The following CACNA1C variants were observed in gnomAD, a reference collection of about 807,000 sequenced individuals.
CACNA1C encodes voltage-dependent L-type calcium channel subunit alpha-1C.
A neutral mutation model predicts 229.0 loss-of-function variants in CACNA1C; 30 were observed. The ratio of observed to expected loss-of-function variants is 0.13; its 90% confidence interval spans 0.10 to 0.18. The LOEUF is 0.18. Among genes scored for constraint, CACNA1C ranks in the 10% least tolerant of loss-of-function variants. The pLI is 1.00. For missense variants in CACNA1C, 1,658 were observed against 2,845.0 expected (o/e 0.58, Z 9.49); for synonymous variants, 1,114 against 1,132.5 (o/e 0.98, Z 0.33).
chr12:2,580,126 G>A (rs757049081), intron 13 of CACNA1C, among the ~76,000 whole-genome samples: 15 of 152,162 alleles, frequency 9.9e-5, no homozygotes, highest in South Asian at 8.3e-4. Flanking sequence ...ATCTTCTGCC[G>A]TCTAAAATTT....
At chr12:2,615,801 G>T (rs184350636) in intron 29 of CACNA1C, among the ~76,000 whole-genome samples, 11 of 152,334 alleles carry the variant, frequency 7.2e-5, no homozygotes, top group Admixed American at 7.2e-4. Flanking sequence ...TTGCTGTCGA[G>T]GATGTCTCAG....
intron 3 of CACNA1C, among the ~76,000 whole-genome samples, chr12:2,186,346 T>C (rs77345226): frequency 0.022 from 3,387 of 152,118 alleles, 135 homozygotes; most frequent in African/African-American, 0.076. Context: ...AGTGACTAGG[T>C]CCATTGTGGG....
At chr12:2,459,158 T>C (rs540974092) in intron 5 of CACNA1C, among the ~76,000 whole-genome samples, 1 of 116,876 alleles carries the variant, frequency 8.6e-6, no homozygotes, top group South Asian at 3.0e-4. Flanking sequence ...AATTTTTGTT[T>C]TTTTGTGTGT....
rs1478183752 is a variant in CACNA1C at position 2,665,973 on chromosome 12, C to T, written c.4526+265C>T. 3.3e-5 allele frequency among the ~76,000 whole-genome samples: 5 copies of T among 152,102 alleles called. No individual in the cohort carries two copies. The highest frequency in any genetic ancestry group is 4.1e-4 in the South Asian group (2 of 4,822). On this transcript the variant is annotated intron_variant, in intron 36 of 46. Transcript: ENST00000399655. The surrounding 1 kb of genome is among the most constrained non-coding windows in gnomAD (Gnocchi z 5.9). ...AGAAGGCAAAGGTGGTTGAATCACT[C>T]GAGGCCAGGAGTTCAAGACCAGCCT...
At chr12:1,986,826 C>G (rs1018983758) in intron 1 of CACNA1C, among the ~76,000 whole-genome samples, 2 of 152,256 alleles carry the variant, frequency 1.3e-5, no homozygotes, top group Non-Finnish European at 2.9e-5. Flanking sequence ...CTTTCAGAGG[C>G]CCCAGTTAGT....
intron 3 of CACNA1C, among the ~76,000 whole-genome samples, chr12:2,430,170 G>A (rs368466268): frequency 2.0e-5 from 3 of 152,096 alleles, no homozygotes; most frequent in African/African-American, 4.8e-5. Context: ...CATACATGAG[G>A]CCTTCTGCCC....
intron 3 of CACNA1C, among the ~76,000 whole-genome samples, chr12:2,146,325 G>C (rs1014758272): frequency 3.3e-5 from 5 of 151,288 alleles, no homozygotes; most frequent in African/African-American, 4.8e-5. Context: ...GTCAGGAAAG[G>C]CTTCACTTGT....
chr12:2,371,421 A>G (rs1446202107), intron 3 of CACNA1C, among the ~76,000 whole-genome samples: 1 of 152,194 alleles, frequency 6.6e-6, no homozygotes, highest in Admixed American at 6.5e-5. Context: ...TCCTTTGGCC[A>G]TTGGTTTTCA....
intron 3 of CACNA1C, among the ~76,000 whole-genome samples, chr12:2,230,235 G>A (rs902494002): frequency 2.0e-5 from 3 of 152,308 alleles, no homozygotes; most frequent in Admixed American, 2.0e-4. Context: ...GGCGCGTCTA[G>A]CTCGCGGTCA....
Position 2,585,613 on chromosome 12 carries a change from A to G in CACNA1C, c.2460+117A>G, listed in dbSNP as rs775595053. On this transcript the variant is annotated intron_variant, in intron 17 of 46. Coordinates refer to ENST00000399655, the MANE Select transcript of CACNA1C (RefSeq NM_000719.7). This position sits in a 1 kb window ranked among gnomAD's most constrained non-coding sequence, Gnocchi z 4.1. ...AGAGAAAGAAAGACACCCAGTGGAA[A>G]GAAAGCCAGTGGGGATGAACAGGAG... 58 of 1,271,898 alleles carry G rather than the reference A, an allele frequency of 4.6e-5. No homozygotes were observed. Among genetic ancestry groups the G allele is most frequent in the Non-Finnish European group, 5.8e-5 (54 of 932,222 alleles). The allele number at this position is 1,271,898 out of a possible 1,614,324, so 78.8% of individuals were successfully genotyped here.
At chr12:2,474,107 A>G (rs2099607930) in intron 5 of CACNA1C, among the ~76,000 whole-genome samples, 1 of 152,254 alleles carries the variant, frequency 6.6e-6, no homozygotes, top group Non-Finnish European at 1.5e-5. Flanking sequence ...AGATAACTCT[A>G]TAATGAGTAC....
chr12:2,513,462 TC>T (rs923659740), intron 9 of CACNA1C, among the ~76,000 whole-genome samples: 16 of 152,354 alleles, frequency 1.1e-4, no homozygotes, highest in African/African-American at 3.4e-4. Flanking sequence ...TGAAAGGTTT[TC>T]CTTAAGGGGG....
intron 1 of CACNA1C, among the ~76,000 whole-genome samples, chr12:2,102,199 C>T (rs1384431090): frequency 2.0e-5 from 3 of 152,154 alleles, no homozygotes; most frequent in Admixed American, 6.5e-5. Flanking sequence ...AGAGCATCTT[C>T]CCCGTATACT....
intron 3 of CACNA1C, among the ~76,000 whole-genome samples, chr12:2,234,027 T>G (rs890865960): frequency 1.3e-5 from 2 of 152,300 alleles, no homozygotes; most frequent in Admixed American, 6.5e-5. Flanking sequence ...CCAACACTTC[T>G]CCCTTTGGCT....
At chr12:2,295,408 C>T (rs543062380) in intron 3 of CACNA1C, among the ~76,000 whole-genome samples, 6 of 152,196 alleles carry the variant, frequency 3.9e-5, no homozygotes, top group African/African-American at 1.2e-4. Context: ...CTCAGTGAAA[C>T]GTCCTTCCTT....
At position 2,679,317 on chromosome 12, in the gene CACNA1C, G is replaced by T; in HGVS notation, c.5092-127G>T. The T allele has an allele frequency of 3.0e-6, 2 of 666,620 alleles. No individual in the cohort carries two copies. The highest frequency in any genetic ancestry group is 3.6e-5 in the African/African-American group (2 of 55,226). The allele number at this position is 666,620 out of a possible 1,614,324, so 41.3% of individuals were successfully genotyped here. A position where few individuals can be genotyped will look rare whatever the true frequency, so the allele number is the denominator to read the frequency against. On this transcript the variant is annotated intron_variant, in intron 41 of 46. Coordinates refer to ENST00000399655, the MANE Select transcript of CACNA1C (RefSeq NM_000719.7). This position sits in a 1 kb window ranked among gnomAD's most constrained non-coding sequence, Gnocchi z 5.5. Reference sequence around the variant, plus strand: ...TGCTCCTGGCTCCCAGCAGGGCTGTGCCTACCCGAAAGAAGGCAGCCCGCC... The same window carrying T: ...TGCTCCTGGCTCCCAGCAGGGCTGTTCCTACCCGAAAGAAGGCAGCCCGCC...
At chr12:2,431,036 G>A (rs2099078349) in intron 3 of CACNA1C, among the ~76,000 whole-genome samples, 1 of 152,168 alleles carries the variant, frequency 6.6e-6, no homozygotes, top group Non-Finnish European at 1.5e-5. Flanking sequence ...TCCCTTCATT[G>A]ACGGGTGGCC....
intron 3 of CACNA1C, among the ~76,000 whole-genome samples, chr12:2,344,053 G>C (rs1217886865): frequency 1.3e-5 from 2 of 152,298 alleles, no homozygotes; most frequent in Admixed American, 6.5e-5. Context: ...GGTTCCCCCA[G>C]GCAGTAAATT....
chr12:2,052,897 G>GCGGT, upstream of CACNA1C: 1 of 700,774 alleles, frequency 1.4e-6, no homozygotes, highest in Admixed American at 6.6e-5. Context: ...GGCGCGCCGG[G>GCGGT]CGGGCGGGCG....
Sources: gnomAD v4.1 joint callset for allele counts (sites outside exome capture counted in the v4.1 genomes callset) on GRCh38, gnomAD v4.1.1 for gene constraint, Gnocchi (gnomAD v3.1) non-coding constraint, MANE v1.5 for transcripts, NCBI Gene and HGNC (gene_info 2026-07-23, HGNC 2026-07-21) for gene names.